The following MXRA7 variants were observed in gnomAD, a reference collection of about 807,000 sequenced individuals.
MXRA7 encodes the protein matrix remodeling associated 7, also known as matrix-remodeling-associated protein 7.
A neutral mutation model predicts 17.4 loss-of-function variants in MXRA7; 18 were observed. The ratio of observed to expected loss-of-function variants is 1.03; its 90% confidence interval spans 0.71 to 1.53. The LOEUF is 1.53. Among genes scored for constraint, MXRA7 ranks in the 40% most tolerant of loss-of-function variants. The probability of loss-of-function intolerance (pLI) is 0.00; values close to 1 mark genes in which losing one functional copy is unlikely to be tolerated. For missense variants in MXRA7, 141 were observed against 209.3 expected (o/e 0.67, Z 2.01); for synonymous variants, 70 against 101.7 (o/e 0.69, Z 1.87).
In MXRA7 at chr17:76,680,695, C is replaced by T; in HGVS notation, c.*172G>A. The stretch of plus-strand genomic sequence containing the variant: ...CAGGGCCAAAGGTGTTCCCAGGATC[C>T]TGCTAGCCAAGGGACAAGTCCTGAT... On this transcript the variant is annotated 3_prime_UTR_variant, in exon 4 of 4. Coordinates refer to ENST00000449428, the MANE Select transcript of MXRA7 (RefSeq NM_198530.4). 2 of 1,443,148 alleles carry T rather than the reference C, an allele frequency of 1.4e-6. No individual in the cohort carries two copies. The highest frequency in any genetic ancestry group is 2.9e-5 in the Admixed American group (1 of 34,640). 89.4% of individuals were successfully genotyped at this position (1,443,148 alleles called of 1,614,324 possible).
At chr17:76,683,710 G>T in intron 3 of MXRA7, 1 of 648,148 alleles carries the variant, frequency 1.5e-6, no homozygotes, top group Non-Finnish European at 2.8e-6. Flanking sequence ...AGAATGAGAA[G>T]GGCTCAGGTG....
chr17:76,700,377 G>A (rs1176933673), intron 1 of MXRA7, among the ~76,000 whole-genome samples: 14 of 152,148 alleles, frequency 9.2e-5, no homozygotes, highest in Non-Finnish European at 1.6e-4. Context: ...CTGGTATCCC[G>A]TCTCTGTCTG....
Position 76,680,321 on chromosome 17 carries a change from C to A in MXRA7, c.*546G>T. ...TGCTGCCCTGTAATCAATATGGCAT[C>A]TCACCCCCGACAACCAAGCCAGCCA... On this transcript the variant is annotated 3_prime_UTR_variant, in exon 4 of 4. Transcript: ENST00000449428. 3.0e-6 allele frequency: 3 copies of A among 985,384 alleles called. No homozygotes were observed. The highest frequency in any genetic ancestry group is 3.6e-6 in the Non-Finnish European group (3 of 829,996). The allele number at this position is 985,384 out of a possible 1,614,324, so 61.0% of individuals were successfully genotyped here.
chr17:76,678,383 T>A (rs1474934403), downstream of MXRA7, among the ~76,000 whole-genome samples: 9 of 152,202 alleles, frequency 5.9e-5, no homozygotes, highest in Non-Finnish European at 1.0e-4. Context: ...GAGCAATGTC[T>A]TGTTATCTTT....
At chr17:76,709,162 G>C (rs959270932) in intron 1 of MXRA7, among the ~76,000 whole-genome samples, 1 of 152,192 alleles carries the variant, frequency 6.6e-6, no homozygotes, top group African/African-American at 2.4e-5. Flanking sequence ...CCAGAGCCTG[G>C]TGTGGGTGAT....
At chr17:76,687,635 T>C (rs1223761081) in intron 2 of MXRA7, among the ~76,000 whole-genome samples, 2 of 152,328 alleles carry the variant, frequency 1.3e-5, no homozygotes, top group African/African-American at 2.4e-5. Context: ...CTTTCTCCTC[T>C]CAGTCTCATG....
intron 2 of MXRA7, among the ~76,000 whole-genome samples, chr17:76,685,529 CCA>C (rs2076382289): frequency 6.6e-6 from 1 of 152,232 alleles, no homozygotes; most frequent in Admixed American, 6.5e-5. Context: ...GGGACACACA[CCA>C]CGCCTGCCTG....
chr17:76,675,774 A>G (rs1035659889), downstream of MXRA7: 3 of 35,872 alleles, frequency 8.4e-5, no homozygotes, highest in Non-Finnish European at 2.4e-4. Context: ...ACAGAGAGTG[A>G]ATGGTCAGCA....
At chr17:76,697,600 T>A (rs2076545553) in intron 1 of MXRA7, among the ~76,000 whole-genome samples, 1 of 152,214 alleles carries the variant, frequency 6.6e-6, no homozygotes. Context: ...AGAGACCACA[T>A]TTTAATGTCA....
At chr17:76,687,184 A>G (rs923537519) in intron 2 of MXRA7, among the ~76,000 whole-genome samples, 1 of 152,092 alleles carries the variant, frequency 6.6e-6, no homozygotes, top group African/African-American at 2.4e-5. Context: ...TAAGGGACTA[A>G]TGTCCCCACC....
In MXRA7 at chr17:76,694,190, G is replaced by A. The variant is rs577488346; in HGVS notation, c.343-6014C>T. 2.6e-5 allele frequency among the ~76,000 whole-genome samples: 4 copies of A among 152,174 alleles called. 1 individual carries two copies. The highest frequency in any genetic ancestry group is 4.1e-4 in the South Asian group (2 of 4,832). Reference sequence around the variant, plus strand: ...GCTGCCTAGAGTGGGCCCGGGTGGAGAGACTCGTTGGAGAGCCCCCTCCCC... The same window carrying A: ...GCTGCCTAGAGTGGGCCCGGGTGGAAAGACTCGTTGGAGAGCCCCCTCCCC... On this transcript the variant is annotated intron_variant, in intron 1 of 3. Coordinates refer to ENST00000449428, the MANE Select transcript of MXRA7 (RefSeq NM_198530.4).
downstream of MXRA7, chr17:76,676,871 G>C (rs1441174307): frequency 6.6e-6 from 1 of 152,514 alleles, no homozygotes; most frequent in Non-Finnish European, 1.5e-5. Flanking sequence ...TGGCACCACT[G>C]CACTCCAGCC....
Position 76,680,691 on chromosome 17 carries a change from G to A in MXRA7, c.*176C>T. 4.2e-6 allele frequency: 6 copies of A among 1,441,348 alleles called. No individual in the cohort carries two copies. Among genetic ancestry groups the A allele is most frequent in the Non-Finnish European group, 5.5e-6 (6 of 1,096,182 alleles). 89.3% of individuals were successfully genotyped at this position (1,441,348 alleles called of 1,614,324 possible). A position where few individuals can be genotyped will look rare whatever the true frequency, so the allele number is the denominator to read the frequency against. ...AGGGCAGGGCCAAAGGTGTTCCCAG[G>A]ATCCTGCTAGCCAAGGGACAAGTCC... On this transcript the variant is annotated 3_prime_UTR_variant, in exon 4 of 4. Coordinates refer to ENST00000449428, the MANE Select transcript of MXRA7 (RefSeq NM_198530.4).
At chr17:76,710,431 G>C (rs1317863564) in intron 1 of MXRA7, among the ~76,000 whole-genome samples, 174 bp downstream of exon 1, 2 of 152,172 alleles carry the variant, frequency 1.3e-5, no homozygotes, top group African/African-American at 2.4e-5. Context: ...GCGAGTTTGC[G>C]GGGCTGCGGC....
rs552174529 is a variant in MXRA7, at chr17:76,708,922, C to T, written c.342+1683G>A. Among the ~76,000 whole-genome samples the T allele has an allele frequency of 3.3e-5, 5 of 152,274 alleles. No individual in the cohort carries two copies. In the East Asian group the frequency reaches 7.7e-4, roughly 24 times the overall value. On this transcript the variant is annotated intron_variant, in intron 1 of 3. Transcript: ENST00000449428. ...TATGTCATGGGGGCTGCCTGGCACG[C>T]GAACCCCCATACTGCCTTGTCCTTC...
At chr17:76,691,247 A>G (rs2076475949) in intron 1 of MXRA7, among the ~76,000 whole-genome samples, 1 of 152,190 alleles carries the variant, frequency 6.6e-6, no homozygotes, top group African/African-American at 2.4e-5. Context: ...CGCAGGGGGT[A>G]GCGTACCCCA....
At chr17:76,705,346 G>A (rs943385183) in intron 1 of MXRA7, among the ~76,000 whole-genome samples, 2 of 152,126 alleles carry the variant, frequency 1.3e-5, no homozygotes, top group Non-Finnish European at 2.9e-5. Flanking sequence ...AGCCCTCCAA[G>A]GCATCTTCTA....
In MXRA7 at chr17:76,710,633, G is replaced by T; in HGVS notation, c.314C>A (p.Ala105Glu). The T allele has an allele frequency of 7.2e-7, 1 of 1,383,200 alleles. No individual in the cohort carries two copies. The highest frequency in any genetic ancestry group is 1.5e-5 in the South Asian group (1 of 65,934). 85.7% of individuals were successfully genotyped at this position (1,383,200 alleles called of 1,614,324 possible). Residue 105 changes from alanine (A) to glutamate (E), a missense_variant, in exon 1 of 4, where the codon GCG becomes GAG. Coordinates refer to ENST00000449428, the MANE Select transcript of MXRA7 (RefSeq NM_198530.4). Reference sequence around the variant, plus strand: ...CCTCGCCTCCACCGCCTGCTCCTCCGCCTCCGCTGGCGCCGCCGCGGGATC... The same window carrying T: ...CCTCGCCTCCACCGCCTGCTCCTCCTCCTCCGCTGGCGCCGCCGCGGGATC... ...PGDPAAAPAE[A>E]EEQAVEARQE...
intron 1 of MXRA7, among the ~76,000 whole-genome samples, chr17:76,693,397 G>A (rs979389327): frequency 9.3e-5 from 14 of 150,502 alleles, no homozygotes; most frequent in African/African-American, 2.2e-4. Flanking sequence ...CCTGGGAGGC[G>A]GAAGTTGCAA....
Sources: allele counts gnomAD v4.1 joint callset (sites outside exome capture counted in the v4.1 genomes callset), GRCh38; gene constraint gnomAD v4.1.1; transcripts MANE v1.5; gene names NCBI Gene and HGNC (gene_info 2026-07-23, HGNC 2026-07-21).